Variants in SPPL3 observed in about 807,000 individuals in gnomAD.
The protein encoded by SPPL3 is signal peptide peptidase-like 3.
SPPL3 carries 5 observed loss-of-function variants against 42.4 expected under a neutral mutation model. The observed-to-expected ratio is 0.12, with a 90% CI of 0.06 to 0.25. The LOEUF (loss-of-function observed/expected upper bound fraction) is 0.25. Ranked by LOEUF, SPPL3 falls within the 10% of genes least tolerant of loss-of-function variation. The probability of loss-of-function intolerance (pLI) is 1.00; values close to 1 mark genes in which losing one functional copy is unlikely to be tolerated. For missense variants in SPPL3, 235 were observed against 489.0 expected, an observed-to-expected ratio of 0.48 and a Z score of 4.90; for synonymous variants, 195 against 181.8, an observed-to-expected ratio of 1.07 and a Z score of -0.58.
intron 1 of SPPL3, among the ~76,000 whole-genome samples, chr12:120,851,705 G>A (rs1872230444): frequency 6.6e-6 from 1 of 152,098 alleles, no homozygotes; most frequent in African/African-American, 2.4e-5. Context: ...CCCGGGTCAG[G>A]TGATACTCCC....
rs746938097 is a variant in SPPL3 at position 120,767,533 on chromosome 12, T to C, written c.834A>G (p.Leu278=). The C allele has an allele frequency of 4.3e-6, 7 of 1,614,220 alleles. No individual in the cohort carries two copies. The highest frequency in any genetic ancestry group is 5.9e-6 in the Non-Finnish European group (7 of 1,180,050). ...TGTCATAGCGAAGGACAAAGCATAG[T>C]AGGAGACCAGGCATAACGATGTCTC... ...GIGDIVMPGL[L]LCFVLRYDNY... is the part of the protein sequence containing the mutation. The change falls in exon 9 of 11, where the codon CTA becomes CTG. Residue 278 remains leucine (L), a synonymous_variant. Transcript: ENST00000353487.
At chr12:120,888,969 T>A (rs1168944) in intron 1 of SPPL3, among the ~76,000 whole-genome samples, 73,267 of 151,592 alleles carry the variant, frequency 0.48, 17,885 homozygotes, top group East Asian at 0.56. Context: ...TCATGCCACC[T>A]CACCTGGCTA....
chr12:120,781,834 T>C (rs1418891174), intron 6 of SPPL3, among the ~76,000 whole-genome samples: 2 of 152,062 alleles, frequency 1.3e-5, no homozygotes, highest in Non-Finnish European at 2.9e-5. Context: ...GTGATCCGCC[T>C]GCCTCAGCCT....
chr12:120,783,772 A>C lies in SPPL3; in HGVS notation c.311-20T>G, dbSNP rs184990880. ...CAAGAACTAGAGAAAGAAAAGGTAT[A>C]ATTTTTTAAAACAATTATAAGAAAA... is the stretch of plus-strand genomic sequence containing the variant. On this transcript the variant is annotated intron_variant, in intron 4 of 10. Transcript: ENST00000353487. The C allele has an allele frequency of 6.3e-3, 10,162 of 1,606,970 alleles. 63 individuals carry two copies. The highest frequency in any genetic ancestry group is 0.02 in the South Asian group (1,792 of 90,424).
intron 1 of SPPL3, among the ~76,000 whole-genome samples, chr12:120,823,320 G>A (rs1013609895): frequency 2.6e-5 from 4 of 151,996 alleles, no homozygotes; most frequent in Non-Finnish European, 4.4e-5. Context: ...TGTATTTGCC[G>A]TCTTCACTGG....
intron 1 of SPPL3, among the ~76,000 whole-genome samples, chr12:120,866,259 C>T (rs891965987): frequency 6.6e-6 from 1 of 152,192 alleles, no homozygotes; most frequent in Non-Finnish European, 1.5e-5. Flanking sequence ...GTCCCTGGTG[C>T]CAAAAACGTT....
intron 1 of SPPL3, among the ~76,000 whole-genome samples, chr12:120,893,963 A>T (rs1314707359): frequency 6.6e-6 from 1 of 152,214 alleles, no homozygotes; most frequent in African/African-American, 2.4e-5. Flanking sequence ...ATCAGTGGCA[A>T]AGGTATTTGT....
chr12:120,844,302 T>A (rs1054226199), intron 1 of SPPL3, among the ~76,000 whole-genome samples: 1 of 152,160 alleles, frequency 6.6e-6, no homozygotes, highest in African/African-American at 2.4e-5. Context: ...TCCCCGTTAT[T>A]AGCACCCTAA....
intron 1 of SPPL3, among the ~76,000 whole-genome samples, chr12:120,848,313 CA>C (rs1398137779): frequency 6.6e-6 from 1 of 152,156 alleles, no homozygotes; most frequent in African/African-American, 2.4e-5. Context: ...GAAGAAAGGC[CA>C]AACCACAGCC....
intron 1 of SPPL3, among the ~76,000 whole-genome samples, chr12:120,822,892 A>G (rs1391884838): frequency 6.6e-6 from 1 of 152,096 alleles, no homozygotes; most frequent in Non-Finnish European, 1.5e-5. Flanking sequence ...TATCTTATGT[A>G]TCACCACATG....
chr12:120,886,499 T>C (rs1480715369), intron 1 of SPPL3, among the ~76,000 whole-genome samples: 1 of 152,150 alleles, frequency 6.6e-6, no homozygotes, highest in African/African-American at 2.4e-5. Context: ...TGAACACCTA[T>C]AACCATCAGA....
At chr12:120,884,099 C>A in intron 1 of SPPL3, among the ~76,000 whole-genome samples, 1 of 25,232 alleles carries the variant, frequency 4.0e-5, no homozygotes. Flanking sequence ...GAAACTATGT[C>A]TCAAAAAAAA....
intron 1 of SPPL3, among the ~76,000 whole-genome samples, chr12:120,882,049 T>C (rs1310801265): frequency 1.3e-5 from 2 of 152,042 alleles, no homozygotes; most frequent in African/African-American, 2.4e-5. Context: ...AGTTTTAAAG[T>C]GTGGACCATT....
chr12:120,819,809 G>A (rs1870996497), intron 1 of SPPL3, among the ~76,000 whole-genome samples: 1 of 152,160 alleles, frequency 6.6e-6, no homozygotes, highest in African/African-American at 2.4e-5. Context: ...AACATTCTAA[G>A]TGTAAATGGC....
At chr12:120,780,554 G>C (rs1869491969) in intron 6 of SPPL3, among the ~76,000 whole-genome samples, 1 of 147,774 alleles carries the variant, frequency 6.8e-6, no homozygotes, top group African/African-American at 2.5e-5. Flanking sequence ...TTCAAGACCA[G>C]CCTGGGCAAC....
chr12:120,894,775 G>A (rs1873749515), intron 1 of SPPL3, among the ~76,000 whole-genome samples: 1 of 152,040 alleles, frequency 6.6e-6, no homozygotes, highest in African/African-American at 2.4e-5. Flanking sequence ...GAGAAACCCC[G>A]TCTCTACTAA....
chr12:120,865,965 CTG>C (rs2137045865), intron 1 of SPPL3, among the ~76,000 whole-genome samples: 1 of 152,294 alleles, frequency 6.6e-6, no homozygotes, highest in Non-Finnish European at 1.5e-5. Context: ...CTATTGTGAA[CTG>C]TGCATGCGAG....
chr12:120,781,571 T>G (rs1460226344), intron 6 of SPPL3, among the ~76,000 whole-genome samples: 5,824 of 102,984 alleles, frequency 0.057, 627 homozygotes, highest in East Asian at 0.088. Flanking sequence ...TTTTTTTTTT[T>G]TTTTTTTTTT....
chr12:120,883,250 A>G (rs770983028), intron 1 of SPPL3, among the ~76,000 whole-genome samples: 7 of 152,120 alleles, frequency 4.6e-5, no homozygotes, highest in Non-Finnish European at 7.4e-5. Flanking sequence ...GCTTGCAGTG[A>G]GCCGAGATCG....
Sources: allele counts gnomAD v4.1 joint callset (sites outside exome capture counted in the v4.1 genomes callset), GRCh38; gene constraint gnomAD v4.1.1; transcripts MANE v1.5; gene names NCBI Gene and HGNC (gene_info 2026-07-23, HGNC 2026-07-21).